CDH18: variants seen among roughly 807,000 people sequenced by gnomAD.
CDH18 encodes cadherin-18.
In CDH18, 31 loss-of-function variants were observed where a neutral mutation model predicts 67.9. That is an observed-to-expected ratio of 0.46 (90% CI 0.34 to 0.62). The LOEUF is 0.62. CDH18 is among the 20% of genes least tolerant of loss of function. The pLI is 0.01. For missense variants in CDH18, 890 were observed against 975.5 expected (o/e 0.91, Z 1.17); for synonymous variants, 362 against 347.2 (o/e 1.04, Z -0.48).
At position 19,716,778 on chromosome 5, in the gene CDH18, C is replaced by CT. The variant is rs1392159796; in HGVS notation, c.643+4568dup. On this transcript the variant is annotated intron_variant, in intron 5 of 12. Transcript: ENST00000382275. ...CTCTTTGTATATAAATAAAGATAGCCTGTCTGATCTTACTATTTTTATGTA... is the reference window on the plus strand; with the variant it reads ...CTCTTTGTATATAAATAAAGATAGCCTTGTCTGATCTTACTATTTTTATGTA... Among the ~76,000 whole-genome samples the CT allele has an allele frequency of 3.9e-5, 6 of 151,918 alleles. 1 individual carries two copies. In the Middle Eastern group the frequency reaches 0.01, roughly 264 times the overall value.
chr5:19,603,950 T>A (rs351313), intron 6 of CDH18, among the ~76,000 whole-genome samples: 111,266 of 151,630 alleles, frequency 0.73, 41,091 homozygotes, highest in East Asian at 1. Flanking sequence ...ACATAATTTT[T>A]CACAGCTTAG....
chr5:19,593,791 A>C (rs144821121), intron 6 of CDH18, among the ~76,000 whole-genome samples: 129 of 121,702 alleles, frequency 1.1e-3, no homozygotes, highest in African/African-American at 3.8e-3. Context: ...TAGGAGTTTT[A>C]TTTTGGAAAT....
chr5:20,334,430 C>T (rs1270147362), intron 1 of CDH18, among the ~76,000 whole-genome samples: 2 of 151,916 alleles, frequency 1.3e-5, no homozygotes, highest in Non-Finnish European at 2.9e-5. Context: ...AGCCACCGCG[C>T]CCGGCCTGAC....
At chr5:20,187,351 G>A (rs1001538365) in intron 2 of CDH18, among the ~76,000 whole-genome samples, 1 of 151,778 alleles carries the variant, frequency 6.6e-6, no homozygotes, top group African/African-American at 2.4e-5. Flanking sequence ...AGCAACCTGT[G>A]TACGTTATCT....
intron 9 of CDH18, among the ~76,000 whole-genome samples, chr5:19,529,435 C>T (rs1483938557): frequency 3.3e-5 from 5 of 151,890 alleles, no homozygotes; most frequent in Admixed American, 6.6e-5. Flanking sequence ...AGGATATATG[C>T]TCTCAGAACT....
At chr5:19,967,272 G>T (rs980833697) in intron 2 of CDH18, among the ~76,000 whole-genome samples, 6 of 151,944 alleles carry the variant, frequency 3.9e-5, no homozygotes, top group African/African-American at 1.4e-4. Context: ...GATTAGAGGA[G>T]AAATATTCAA....
intron 1 of CDH18, among the ~76,000 whole-genome samples, chr5:20,349,461 G>A (rs988821024): frequency 1.2e-4 from 19 of 152,016 alleles, no homozygotes; most frequent in Non-Finnish European, 2.1e-4. Context: ...AATAATACAT[G>A]GAAAATCTTT....
chr5:20,570,992 A>G (rs528747561), intron 1 of CDH18, among the ~76,000 whole-genome samples: 1 of 152,278 alleles, frequency 6.6e-6, no homozygotes, highest in African/African-American at 2.4e-5. Flanking sequence ...CTAATTATTA[A>G]CATCATCTAA....
intron 1 of CDH18, among the ~76,000 whole-genome samples, chr5:20,371,367 G>C (rs1742984320): frequency 6.6e-6 from 1 of 152,098 alleles, no homozygotes; most frequent in South Asian, 2.1e-4. Flanking sequence ...CAATTAAATT[G>C]CTTAAGTGAA....
At chr5:19,966,675 T>G (rs1056276054) in intron 2 of CDH18, among the ~76,000 whole-genome samples, 2 of 152,086 alleles carry the variant, frequency 1.3e-5, no homozygotes, top group Non-Finnish European at 2.9e-5. Context: ...GCCTGTTTTT[T>G]TTCTGGAGCA....
intron 1 of CDH18, among the ~76,000 whole-genome samples, chr5:20,458,346 G>A (rs772887274): frequency 9.2e-5 from 14 of 152,108 alleles, no homozygotes; most frequent in Non-Finnish European, 1.3e-4. Context: ...GGCCAGGTGC[G>A]GTGGCTCATT....
chr5:19,879,996 A>G (rs1787449572), intron 2 of CDH18, among the ~76,000 whole-genome samples: 1 of 152,028 alleles, frequency 6.6e-6, no homozygotes, highest in South Asian at 2.1e-4. Context: ...GCCAAATCCT[A>G]ATGTATTTCT....
intron 1 of CDH18, among the ~76,000 whole-genome samples, chr5:20,326,954 T>C (rs1382174591): frequency 6.6e-6 from 1 of 152,202 alleles, no homozygotes; most frequent in Non-Finnish European, 1.5e-5. Flanking sequence ...GAGAGTGTCA[T>C]AGACGGGTGA....
At position 19,523,087 on chromosome 5, in the gene CDH18, C is replaced by T. The variant is rs369141412; in HGVS notation, c.1391-2309G>A. ...GCATTACAGATCAATGGTGAACGTA[C>T]GGGTTAATCAATAAATAGTACAACT... On this transcript the variant is annotated intron_variant, in intron 9 of 12. Coordinates refer to ENST00000382275, the MANE Select transcript of CDH18 (RefSeq NM_004934.5). Among the ~76,000 whole-genome samples the T allele has an allele frequency of 2.2e-3, 331 of 151,750 alleles. 1 individual carries two copies. The highest frequency in any genetic ancestry group is 3.4e-3 in the Middle Eastern group (1 of 294).
chr5:19,487,488 A>G (rs1178860172), intron 11 of CDH18, among the ~76,000 whole-genome samples: 1 of 152,166 alleles, frequency 6.6e-6, no homozygotes, highest in Non-Finnish European at 1.5e-5. Flanking sequence ...TCACATGAAG[A>G]ATTAACAGAA....
intron 2 of CDH18, among the ~76,000 whole-genome samples, chr5:20,030,954 G>GAAAATGT (rs1369532230): frequency 6.6e-6 from 1 of 152,116 alleles, no homozygotes; most frequent in African/African-American, 2.4e-5. Context: ...TATTTAAATA[G>GAAAATGT]AAAATGTAAA....
chr5:19,761,901 C>T (rs1339190366), intron 3 of CDH18, among the ~76,000 whole-genome samples: 2 of 152,040 alleles, frequency 1.3e-5, no homozygotes, highest in African/African-American at 2.4e-5. Context: ...GAGATATAGA[C>T]CAATGGAACA....
At chr5:19,876,398 A>C (rs1236312436) in intron 2 of CDH18, among the ~76,000 whole-genome samples, 1 of 152,128 alleles carries the variant, frequency 6.6e-6, no homozygotes, top group Non-Finnish European at 1.5e-5. Flanking sequence ...AATATCAACT[A>C]TAAGGTACAA....
chr5:20,105,051 C>A (rs990782629), intron 2 of CDH18, among the ~76,000 whole-genome samples: 1 of 151,948 alleles, frequency 6.6e-6, no homozygotes, highest in African/African-American at 2.4e-5. Flanking sequence ...TGCAATGACA[C>A]GATCTTGGCT....
Sources: allele counts gnomAD v4.1 joint callset (sites outside exome capture counted in the v4.1 genomes callset), GRCh38; gene constraint gnomAD v4.1.1; transcripts MANE v1.5; gene names NCBI Gene and HGNC (gene_info 2026-07-23, HGNC 2026-07-21).